DKK2: variants seen among roughly 807,000 people sequenced by gnomAD.
The protein encoded by DKK2 is dickkopf Wnt signaling pathway inhibitor 2, also known as dickkopf-related protein 2.
In DKK2, 11 loss-of-function variants were observed where a neutral mutation model predicts 28.1. That is an observed-to-expected ratio of 0.39 (90% confidence interval 0.25 to 0.65). DKK2 has a LOEUF of 0.65. Among genes scored for constraint, DKK2 ranks in the 30% least tolerant of loss-of-function variants. DKK2 has a pLI of 0.47. For synonymous variants in DKK2, 135 were observed against 126.5 expected (o/e 1.07, Z -0.45); for missense variants, 326 against 335.5 (o/e 0.97, Z 0.22).
intron 1 of DKK2, among the ~76,000 whole-genome samples, chr4:106,961,934 A>G (rs191593365): frequency 3.9e-5 from 6 of 152,246 alleles, no homozygotes; most frequent in Admixed American, 6.5e-5. Context: ...CACTACTATT[A>G]TTATGCTTGT....
At chr4:107,014,807 A>T (rs1296917429) in intron 1 of DKK2, among the ~76,000 whole-genome samples, 1 of 151,166 alleles carries the variant, frequency 6.6e-6, no homozygotes, top group African/African-American at 2.4e-5. Flanking sequence ...CAAAATTAAA[A>T]ATAGGTTCTA....
chr4:107,029,138 G>A (rs1410289815), intron 1 of DKK2, among the ~76,000 whole-genome samples: 1 of 152,116 alleles, frequency 6.6e-6, no homozygotes, highest in African/African-American at 2.4e-5. Context: ...GAGCAACAGG[G>A]AGTTTGGATT....
chr4:106,998,335 A>C (rs1325997644), intron 1 of DKK2, among the ~76,000 whole-genome samples: 1 of 152,210 alleles, frequency 6.6e-6, no homozygotes, highest in African/African-American at 2.4e-5. Context: ...TTCTAGAAGA[A>C]GTATACATAA....
At chr4:106,947,927 A>T (rs959312803) in intron 1 of DKK2, among the ~76,000 whole-genome samples, 1 of 152,126 alleles carries the variant, frequency 6.6e-6, no homozygotes, top group Admixed American at 6.6e-5. Context: ...CTAGGATTAC[A>T]GGCCTGAGCC....
chr4:107,027,756 A>ATT (rs71590176), intron 1 of DKK2, among the ~76,000 whole-genome samples: 1 of 135,304 alleles, frequency 7.4e-6, no homozygotes, highest in Non-Finnish European at 1.6e-5. Context: ...ACCTATTATG[A>ATT]TTTTTTTTTT....
intron 1 of DKK2, among the ~76,000 whole-genome samples, chr4:106,937,296 A>C (rs1298383415): frequency 7.2e-6 from 1 of 138,386 alleles, no homozygotes; most frequent in African/African-American, 2.7e-5. Flanking sequence ...TGGAAAACAA[A>C]AAAAGGCAGG....
At chr4:107,025,863 A>T (rs1037128776) in intron 1 of DKK2, among the ~76,000 whole-genome samples, 3 of 152,212 alleles carry the variant, frequency 2.0e-5, no homozygotes, top group African/African-American at 7.2e-5. Flanking sequence ...ATCTCCCACC[A>T]GGTAGTTAAT....
chr4:106,965,550 T>C (rs1241936773), intron 1 of DKK2, among the ~76,000 whole-genome samples: 1 of 152,166 alleles, frequency 6.6e-6, no homozygotes, highest in African/African-American at 2.4e-5. Context: ...TTCTTGGTTA[T>C]ACTTGAAACT....
At position 107,013,422 on chromosome 4, in the gene DKK2, C is replaced by G. The variant is rs116360891; in HGVS notation, c.222+21948G>C. On this transcript the variant is annotated intron_variant, in intron 1 of 3. Transcript: ENST00000285311. The stretch of plus-strand genomic sequence containing the variant: ...AACCACTTAATTTTCAGTAAATGTA[C>G]CAAGAACATACATTAGGGAAAGGAC... 1.4e-3 allele frequency among the ~76,000 whole-genome samples: 207 copies of G among 151,320 alleles called. 2 individuals carry two copies. Among genetic ancestry groups the G allele is most frequent in the African/African-American group, 4.9e-3 (203 of 41,418 alleles).
chr4:106,940,147 G>C (rs1292655127), intron 1 of DKK2, among the ~76,000 whole-genome samples: 1 of 152,176 alleles, frequency 6.6e-6, no homozygotes, highest in Non-Finnish European at 1.5e-5. Flanking sequence ...CACAGCAAAA[G>C]AAACTACCAT....
chr4:106,936,136 G>A (rs1159025442), intron 1 of DKK2, among the ~76,000 whole-genome samples: 3 of 152,182 alleles, frequency 2.0e-5, no homozygotes, highest in Non-Finnish European at 4.4e-5. Flanking sequence ...GACGAGCTGA[G>A]AGAAGAAGGC....
chr4:106,925,397 C>T (rs1724410561), intron 2 of DKK2, among the ~76,000 whole-genome samples: 1 of 152,166 alleles, frequency 6.6e-6, no homozygotes, highest in South Asian at 2.1e-4. Flanking sequence ...CACTCTACTA[C>T]CATAAGACTG....
At chr4:106,983,622 A>C (rs1237764630) in intron 1 of DKK2, among the ~76,000 whole-genome samples, 1 of 152,230 alleles carries the variant, frequency 6.6e-6, no homozygotes, top group African/African-American at 2.4e-5. Context: ...CTTTATCAAA[A>C]GTAAAAACTT....
At chr4:107,026,878 A>G (rs745344284) in intron 1 of DKK2, among the ~76,000 whole-genome samples, 1 of 152,192 alleles carries the variant, frequency 6.6e-6, no homozygotes, top group Non-Finnish European at 1.5e-5. Context: ...TATAAAGCTA[A>G]AAGTAGATGG....
At chr4:107,018,592 A>G (rs150386882) in intron 1 of DKK2, among the ~76,000 whole-genome samples, 1 of 152,196 alleles carries the variant, frequency 6.6e-6, no homozygotes, top group East Asian at 1.9e-4. Context: ...CGGATGAAGT[A>G]TGACTATAAT....
At chr4:107,018,047 A>G (rs1178347661) in intron 1 of DKK2, among the ~76,000 whole-genome samples, 1 of 152,074 alleles carries the variant, frequency 6.6e-6, no homozygotes, top group African/African-American at 2.4e-5. Context: ...GACAATACAC[A>G]ATATAAAAGA....
At chr4:106,963,941 C>T (rs1280421658) in intron 1 of DKK2, among the ~76,000 whole-genome samples, 1 of 152,146 alleles carries the variant, frequency 6.6e-6, no homozygotes, top group African/African-American at 2.4e-5. Context: ...AAGAGACTCT[C>T]CTTTCCCCAG....
intron 1 of DKK2, among the ~76,000 whole-genome samples, chr4:106,934,254 G>T (rs573425084): frequency 1.1e-4 from 17 of 152,232 alleles, no homozygotes; most frequent in Admixed American, 1.1e-3. Flanking sequence ...TGCACTAGAT[G>T]CAAGTATTAC....
At chr4:106,931,195 A>G (rs1724498460) in intron 1 of DKK2, among the ~76,000 whole-genome samples, 1 of 152,150 alleles carries the variant, frequency 6.6e-6, no homozygotes, top group Non-Finnish European at 1.5e-5. Context: ...AGGATTCATG[A>G]ACATCAGGCC....
Sources: gnomAD v4.1 joint callset for allele counts (sites outside exome capture counted in the v4.1 genomes callset) on GRCh38, gnomAD v4.1.1 for gene constraint, MANE v1.5 for transcripts, NCBI Gene and HGNC (gene_info 2026-07-23, HGNC 2026-07-21) for gene names.